Variants in NPAS3 observed in about 807,000 individuals in gnomAD.
NPAS3 encodes neuronal PAS domain protein 3.
Under a neutral mutation model 73.1 loss-of-function variants are expected in NPAS3, and 14 were observed. The observed-to-expected ratio is 0.19, with a 90% CI of 0.13 to 0.30. The LOEUF is 0.30. Among genes scored for constraint, NPAS3 ranks in the 10% least tolerant of loss-of-function variants. NPAS3 has a pLI of 1.00. For missense variants in NPAS3, 1,096 were observed against 1,250.0 expected (o/e 0.88, Z 1.86); for synonymous variants, 620 against 541.5 (o/e 1.14, Z -2.01).
rs141377782 is a variant in NPAS3 at position 33,178,675 on chromosome 14, C to A, written c.141-36507C>A. 3.9e-3 allele frequency among the ~76,000 whole-genome samples: 594 copies of A among 152,222 alleles called. 2 individuals carry two copies. Among genetic ancestry groups the A allele is most frequent in the Non-Finnish European group, 6.7e-3 (457 of 68,008 alleles). ...GATTTTTTGTCTGTAGATCTTGTAA[C>A]CCTGAACTTTGCTGAATTAATTTAG... On this transcript the variant is annotated intron_variant, in intron 2 of 11. Coordinates refer to ENST00000356141, the Ensembl canonical transcript of NPAS3.
At chr14:33,802,882 C>T (rs2063749769), downstream of NPAS3, 1 of 152,172 alleles carries the variant, frequency 6.6e-6, no homozygotes, top group Non-Finnish European at 1.5e-5. Flanking sequence ...CTCTCTTTCC[C>T]TCCCTTTCCC....
intron 4 of NPAS3, among the ~76,000 whole-genome samples, chr14:33,375,308 G>T (rs913216217): frequency 6.6e-6 from 1 of 152,172 alleles, no homozygotes; most frequent in African/African-American, 2.4e-5. Flanking sequence ...AATTGATACT[G>T]CTTGCCTCTA....
intron 4 of NPAS3, among the ~76,000 whole-genome samples, chr14:33,414,856 A>C (rs2138951600): frequency 6.6e-6 from 1 of 152,152 alleles, no homozygotes; most frequent in African/African-American, 2.4e-5. Flanking sequence ...TAAACAATGA[A>C]GGTAGTGCAG....
chr14:33,181,306 T>C (rs1409913607), intron 2 of NPAS3, among the ~76,000 whole-genome samples: 2 of 152,218 alleles, frequency 1.3e-5, no homozygotes, highest in African/African-American at 2.4e-5. Flanking sequence ...TTTGTGGAGT[T>C]ATTCACATGA....
intron 5 of NPAS3, among the ~76,000 whole-genome samples, chr14:33,592,507 A>G (rs1287867713): frequency 6.6e-6 from 1 of 152,190 alleles, no homozygotes; most frequent in Non-Finnish European, 1.5e-5. Context: ...GCTAAAGAAG[A>G]GGTGGGATTT....
chr14:33,473,174 A>C (rs778484877), intron 4 of NPAS3, among the ~76,000 whole-genome samples: 7 of 152,194 alleles, frequency 4.6e-5, no homozygotes, highest in Non-Finnish European at 7.3e-5. Flanking sequence ...GGAAACTGGG[A>C]AATTGGCAGA....
intron 5 of NPAS3, among the ~76,000 whole-genome samples, chr14:33,605,844 C>CT (rs1491213740): frequency 7.2e-6 from 1 of 139,166 alleles, no homozygotes; most frequent in Non-Finnish European, 1.5e-5. Flanking sequence ...TTCTAGTAGA[C>CT]TTTTTTATAC....
At chr14:33,601,369 C>T (rs544453212) in intron 5 of NPAS3, among the ~76,000 whole-genome samples, 3 of 152,356 alleles carry the variant, frequency 2.0e-5, no homozygotes, top group Admixed American at 1.3e-4. Context: ...ATTCTGAACA[C>T]AGCCCTTGAT....
chr14:33,353,873 G>C (rs770286790), intron 3 of NPAS3, among the ~76,000 whole-genome samples: 1 of 152,082 alleles, frequency 6.6e-6, no homozygotes, highest in Admixed American at 6.5e-5. Flanking sequence ...TATTCAGGCA[G>C]CTTTCCCTAT....
intron 3 of NPAS3, among the ~76,000 whole-genome samples, chr14:33,359,422 G>A (rs2045489738): frequency 6.6e-6 from 1 of 152,160 alleles, no homozygotes; most frequent in East Asian, 1.9e-4. Context: ...AGATGTGGAC[G>A]TCTTCCTTTT....
intron 3 of NPAS3, among the ~76,000 whole-genome samples, chr14:33,254,097 A>G (rs1269405341): frequency 6.6e-6 from 1 of 152,006 alleles, no homozygotes; most frequent in Non-Finnish European, 1.5e-5. Context: ...TTATTTTCTC[A>G]TCTGACTGAT....
chr14:33,792,565 C>T (rs1168966902), intron 9 of NPAS3, among the ~76,000 whole-genome samples: 2 of 136,654 alleles, frequency 1.5e-5, no homozygotes, highest in African/African-American at 5.7e-5. Context: ...TCCCTTCACA[C>T]CCATCCACCC....
intron 3 of NPAS3, among the ~76,000 whole-genome samples, chr14:33,297,133 G>A (rs2042336507): frequency 6.6e-6 from 1 of 152,094 alleles, no homozygotes; most frequent in South Asian, 2.1e-4. Context: ...CTATAAATGA[G>A]TTGAGAACAT....
At chr14:33,196,202 C>A (rs1445905675) in intron 2 of NPAS3, among the ~76,000 whole-genome samples, 3 of 152,136 alleles carry the variant, frequency 2.0e-5, no homozygotes, top group African/African-American at 7.2e-5. Flanking sequence ...CTATGTGTAC[C>A]ATCTGTACCT....
At chr14:33,128,548 C>T (rs1035938376) in intron 2 of NPAS3, among the ~76,000 whole-genome samples, 3 of 152,066 alleles carry the variant, frequency 2.0e-5, no homozygotes, top group African/African-American at 4.8e-5. Context: ...GAAATTATGA[C>T]TTTTGTGCTA....
At chr14:33,646,757 A>G (rs775928843) in intron 5 of NPAS3, among the ~76,000 whole-genome samples, 1 of 152,202 alleles carries the variant, frequency 6.6e-6, no homozygotes, top group Non-Finnish European at 1.5e-5. Flanking sequence ...GTGAGCTAGC[A>G]GGGCAGTACT....
chr14:33,096,449 A>T (rs1231889187), intron 2 of NPAS3, among the ~76,000 whole-genome samples: 2 of 152,298 alleles, frequency 1.3e-5, no homozygotes, highest in Admixed American at 1.3e-4. Flanking sequence ...AGTTTCAAAA[A>T]CGAAGCTATT....
chr14:33,124,609 A>G (rs1308254758), intron 2 of NPAS3, among the ~76,000 whole-genome samples: 1 of 152,164 alleles, frequency 6.6e-6, no homozygotes, highest in Non-Finnish European at 1.5e-5. Flanking sequence ...GATAAGAAAT[A>G]TAGAGAAACA....
At chr14:33,614,587 T>A (rs1370037256) in intron 5 of NPAS3, among the ~76,000 whole-genome samples, 1 of 152,162 alleles carries the variant, frequency 6.6e-6, no homozygotes, top group Non-Finnish European at 1.5e-5. Context: ...AACCATATTC[T>A]TAGCTAGCAT....
Sources: allele counts gnomAD v4.1 joint callset (sites outside exome capture counted in the v4.1 genomes callset), GRCh38; gene constraint gnomAD v4.1.1; transcripts MANE v1.5; gene names NCBI Gene and HGNC (gene_info 2026-07-23, HGNC 2026-07-21).